The following CNTNAP2 variants were observed in gnomAD, a reference collection of about 807,000 sequenced individuals.
CNTNAP2 encodes the protein contactin-associated protein-like 2.
Under a neutral mutation model 155.2 loss-of-function variants are expected in CNTNAP2, and 98 were observed. The ratio of observed to expected loss-of-function variants is 0.63; its 90% CI spans 0.54 to 0.75. The LOEUF (loss-of-function observed/expected upper bound fraction) is 0.75. CNTNAP2 is among the 30% of genes least tolerant of loss of function. The pLI is 0.00. For synonymous variants in CNTNAP2, 651 were observed against 631.2 expected, an observed-to-expected ratio of 1.03 and a Z score of -0.47; for missense variants, 1,727 against 1,688.1, an observed-to-expected ratio of 1.02 and a Z score of -0.40.
intron 13 of CNTNAP2, among the ~76,000 whole-genome samples, chr7:147,670,844 G>T (rs1298849136): frequency 6.6e-6 from 1 of 152,190 alleles, no homozygotes; most frequent in African/African-American, 2.4e-5. Flanking sequence ...CTTGCCCTGT[G>T]CCCCTGCTGG....
intron 11 of CNTNAP2, 132 bp downstream of exon 11, chr7:147,486,173 A>C: frequency 1.5e-6 from 1 of 653,526 alleles, no homozygotes; most frequent in Non-Finnish European, 2.5e-6. Flanking sequence ...CAAGATTCCA[A>C]TTGTCATTTC....
chr7:147,982,144 T>C (rs539917201), intron 15 of CNTNAP2, among the ~76,000 whole-genome samples: 1 of 152,332 alleles, frequency 6.6e-6, no homozygotes, highest in South Asian at 2.1e-4. Flanking sequence ...AGAAATCTCA[T>C]ACTATATATG....
At chr7:146,994,432 A>T in intron 3 of CNTNAP2, among the ~76,000 whole-genome samples, 1 of 152,184 alleles carries the variant, frequency 6.6e-6, no homozygotes, top group Non-Finnish European at 1.5e-5. Flanking sequence ...TCTTAAGAAT[A>T]ATTTTATGAT....
intron 21 of CNTNAP2, among the ~76,000 whole-genome samples, chr7:148,344,574 A>G (rs1334435372): frequency 1.3e-5 from 2 of 152,158 alleles, no homozygotes; most frequent in African/African-American, 4.8e-5. Flanking sequence ...GGAATGTGGT[A>G]TGAATCTAGG....
chr7:147,454,572 G>A (rs1797888609), intron 10 of CNTNAP2, among the ~76,000 whole-genome samples: 1 of 152,034 alleles, frequency 6.6e-6, no homozygotes, highest in South Asian at 2.1e-4. Flanking sequence ...ATAACTTCAA[G>A]GATACAATAA....
chr7:147,410,759 G>C (rs980422723), intron 10 of CNTNAP2, among the ~76,000 whole-genome samples: 1 of 151,914 alleles, frequency 6.6e-6, no homozygotes, highest in African/African-American at 2.4e-5. Context: ...AGGAATATAA[G>C]ACAGCTCATT....
intron 1 of CNTNAP2, among the ~76,000 whole-genome samples, chr7:146,756,147 T>A (rs1242568405): frequency 6.6e-6 from 1 of 151,950 alleles, no homozygotes; most frequent in African/African-American, 2.4e-5. Context: ...CTGCAAAAAA[T>A]AAGTAATTTT....
intron 1 of CNTNAP2, among the ~76,000 whole-genome samples, chr7:146,451,885 A>G (rs539952729): frequency 2.0e-4 from 14 of 68,756 alleles, no homozygotes; most frequent in African/African-American, 1.0e-3. Flanking sequence ...ATATACACAT[A>G]TACATATATT....
intron 11 of CNTNAP2, among the ~76,000 whole-genome samples, chr7:147,534,736 T>G (rs750088542): frequency 2.0e-5 from 3 of 152,164 alleles, no homozygotes; most frequent in Non-Finnish European, 4.4e-5. Context: ...AAGTGATAAT[T>G]TCCTTTGATT....
At chr7:148,350,166 A>G (rs1798402447) in intron 21 of CNTNAP2, among the ~76,000 whole-genome samples, 1 of 152,196 alleles carries the variant, frequency 6.6e-6, no homozygotes, top group Non-Finnish European at 1.5e-5. Context: ...TTGAAGATGT[A>G]TTTGGGAGGC....
At chr7:146,254,869 G>T (rs116710181) in intron 1 of CNTNAP2, among the ~76,000 whole-genome samples, 6,292 of 152,006 alleles carry the variant, frequency 0.041, 395 homozygotes, top group African/African-American at 0.14. Flanking sequence ...CAAAACATTT[G>T]TAAGGTGATG....
chr7:146,472,800 G>C (rs1054758649), intron 1 of CNTNAP2, among the ~76,000 whole-genome samples: 2 of 151,878 alleles, frequency 1.3e-5, no homozygotes, highest in African/African-American at 4.8e-5. Flanking sequence ...GAATTAGTTT[G>C]AGCAGATCAT....
chr7:147,628,868 TAAAAAAAAAA>T (rs60644349), intron 12 of CNTNAP2, among the ~76,000 whole-genome samples: 1 of 117,190 alleles, frequency 8.5e-6, no homozygotes, highest in Non-Finnish European at 1.8e-5. Flanking sequence ...CAACAGCAGT[TAAAAAAAAAA>T]AAAAAAAAAG....
chr7:148,394,677 A>C (rs1258917560), intron 22 of CNTNAP2, among the ~76,000 whole-genome samples: 1 of 152,206 alleles, frequency 6.6e-6, no homozygotes, highest in Non-Finnish European at 1.5e-5. Flanking sequence ...CCAGATTTTA[A>C]TGTGCTTAGA....
At chr7:147,322,168 C>T (rs541694547) in intron 9 of CNTNAP2, among the ~76,000 whole-genome samples, 28 of 152,238 alleles carry the variant, frequency 1.8e-4, no homozygotes, top group African/African-American at 6.3e-4. Flanking sequence ...CCTTCAAGGC[C>T]ACTCCCCTGA....
intron 3 of CNTNAP2, among the ~76,000 whole-genome samples, chr7:146,885,168 A>C (rs1362567786): frequency 6.6e-6 from 1 of 152,184 alleles, no homozygotes; most frequent in Non-Finnish European, 1.5e-5. Context: ...GAAACAATGT[A>C]AATAAAATGA....
intron 13 of CNTNAP2, among the ~76,000 whole-genome samples, chr7:147,738,837 T>G (rs1452893653): frequency 6.6e-6 from 1 of 152,000 alleles, no homozygotes; most frequent in Non-Finnish European, 1.5e-5. Flanking sequence ...GTATTTTTAG[T>G]ACAGACAGGG....
intron 10 of CNTNAP2, among the ~76,000 whole-genome samples, chr7:147,462,453 C>T (rs1199365423): frequency 6.6e-6 from 1 of 152,174 alleles, no homozygotes; most frequent in African/African-American, 2.4e-5. Flanking sequence ...TTTCATTTTC[C>T]AGCCCCTATT....
intron 8 of CNTNAP2, among the ~76,000 whole-genome samples, chr7:147,192,784 A>G (rs1384847071): frequency 6.6e-6 from 1 of 152,162 alleles, no homozygotes; most frequent in East Asian, 1.9e-4. Flanking sequence ...GAGGAATTAC[A>G]TGTTCGGATT....
Sources: allele counts gnomAD v4.1 joint callset (sites outside exome capture counted in the v4.1 genomes callset), GRCh38; gene constraint gnomAD v4.1.1; transcripts MANE v1.5; gene names NCBI Gene and HGNC (gene_info 2026-07-23, HGNC 2026-07-21).